PLXDC2: variants seen among roughly 807,000 people sequenced by gnomAD.
PLXDC2 encodes plexin domain containing 2, also known as plexin domain-containing protein 2.
PLXDC2 carries 40 observed loss-of-function variants against 68.9 expected under a neutral mutation model. The observed-to-expected ratio is 0.58, with a 90% CI of 0.45 to 0.76. PLXDC2 has a LOEUF of 0.76. PLXDC2 is among the 30% of genes least tolerant of loss of function. The pLI, the probability that PLXDC2 is intolerant of heterozygous loss-of-function variation, is 0.00. For missense variants in PLXDC2, 644 were observed against 661.9 expected, an observed-to-expected ratio of 0.97 and a Z score of 0.30; for synonymous variants, 243 against 234.2, an observed-to-expected ratio of 1.04 and a Z score of -0.34.
chr10:20,174,814 A>C (rs1834504490), intron 7 of PLXDC2, among the ~76,000 whole-genome samples: 2 of 151,872 alleles, frequency 1.3e-5, no homozygotes, highest in Admixed American at 1.3e-4. Context: ...ATATGAGTAG[A>C]GGGAAGGAGA....
intron 1 of PLXDC2, among the ~76,000 whole-genome samples, chr10:19,968,874 C>T (rs576567622): frequency 1.3e-5 from 2 of 152,262 alleles, no homozygotes; most frequent in South Asian, 2.1e-4. Flanking sequence ...TAAGTTTCAT[C>T]AGGGTAAGGC....
intron 1 of PLXDC2, among the ~76,000 whole-genome samples, chr10:19,860,879 C>A: frequency 6.6e-6 from 1 of 152,128 alleles, no homozygotes; most frequent in East Asian, 1.9e-4. Context: ...TTCTTTACTC[C>A]TACTCTGTGC....
chr10:19,919,842 A>G (rs1833429895), intron 1 of PLXDC2, among the ~76,000 whole-genome samples: 1 of 152,254 alleles, frequency 6.6e-6, no homozygotes, highest in South Asian at 2.1e-4. Context: ...TTTAGTCTGC[A>G]GAAGAAAATG....
chr10:20,007,693 A>G (rs1039840343), intron 2 of PLXDC2, among the ~76,000 whole-genome samples: 5 of 152,230 alleles, frequency 3.3e-5, no homozygotes, highest in African/African-American at 1.2e-4. Context: ...TAAAATGCAT[A>G]TTCTGATTTC....
chr10:20,159,655 A>T (rs569658146), intron 6 of PLXDC2, among the ~76,000 whole-genome samples: 2 of 152,254 alleles, frequency 1.3e-5, no homozygotes, highest in Non-Finnish European at 2.9e-5. Context: ...TGTCACTGTC[A>T]TGGCTTGCAA....
At chr10:20,230,601 G>A (rs1835347987) in intron 12 of PLXDC2, among the ~76,000 whole-genome samples, 2 of 147,908 alleles carry the variant, frequency 1.4e-5, no homozygotes, top group South Asian at 4.3e-4. Context: ...GAGCCCAGGA[G>A]GTCCAGGCTG....
In PLXDC2 at chr10:19,877,131, AAAGCT is replaced by A. The variant is rs572561427; in HGVS notation, c.112+59942_112+59946del. On this transcript the variant is annotated intron_variant, in intron 1 of 13. Coordinates refer to ENST00000377252, the MANE Select transcript of PLXDC2 (RefSeq NM_032812.9). ...AAATAACACTAGTGATATTCTGATAAAAGCTATTTATTTTTTAGATCAGTAAAATA... is the reference window on the plus strand; with the variant it reads ...AAATAACACTAGTGATATTCTGATAAATTTATTTTTTAGATCAGTAAAATA... 5.3e-5 allele frequency among the ~76,000 whole-genome samples: 8 copies of A among 152,268 alleles called. No individual in the cohort carries two copies. In the South Asian group the frequency reaches 1.7e-3, roughly 32 times the overall value.
chr10:19,922,316 G>A (rs889864579), intron 1 of PLXDC2, among the ~76,000 whole-genome samples: 4 of 152,212 alleles, frequency 2.6e-5, no homozygotes, highest in East Asian at 3.9e-4. Flanking sequence ...AAAGCTTATC[G>A]TAACTTGTAC....
At chr10:20,274,772 A>T (rs1038810642) in intron 13 of PLXDC2, among the ~76,000 whole-genome samples, 3 of 151,646 alleles carry the variant, frequency 2.0e-5, no homozygotes, top group African/African-American at 7.3e-5. Flanking sequence ...TTTTAATTAG[A>T]TTGCTGGTTT....
At chr10:20,052,722 C>CAAAAAAA (rs59776582) in intron 3 of PLXDC2, among the ~76,000 whole-genome samples, 5 of 92,788 alleles carry the variant, frequency 5.4e-5, no homozygotes, top group African/African-American at 1.9e-4. Context: ...ACAAATTATG[C>CAAAAAAA]AAAAAAAAAA....
chr10:20,126,332 CGTTATATAATACATATATACATATGT>C (rs1320274276), intron 4 of PLXDC2, among the ~76,000 whole-genome samples: 1,246 of 79,790 alleles, frequency 0.016, 174 homozygotes, highest in African/African-American at 0.04. Flanking sequence ...TATACATATA[CGTTATATAATACATATATACATATGT>C]GTTATATAAT....
chr10:20,186,177 A>G (rs1334043542), intron 9 of PLXDC2, among the ~76,000 whole-genome samples: 4 of 151,994 alleles, frequency 2.6e-5, no homozygotes, highest in African/African-American at 7.2e-5. Context: ...ATCAGATTCA[A>G]CAAAATTATT....
chr10:19,868,697 C>A (rs1564614255), intron 1 of PLXDC2, among the ~76,000 whole-genome samples: 1 of 152,106 alleles, frequency 6.6e-6, no homozygotes, highest in African/African-American at 2.4e-5. Flanking sequence ...AAAATTTACC[C>A]TCTGTTTAAT....
At chr10:20,177,493 T>G in intron 9 of PLXDC2, 84 bp downstream of exon 9, 1 of 627,774 alleles carries the variant, frequency 1.6e-6, no homozygotes, top group Non-Finnish European at 2.2e-6. Flanking sequence ...TATGGACAGG[T>G]GCAGTGGCTC....
intron 4 of PLXDC2, among the ~76,000 whole-genome samples, chr10:20,127,939 A>G (rs1216417133): frequency 6.6e-6 from 1 of 152,200 alleles, no homozygotes. Context: ...AGCAGAACAG[A>G]ACCAGGATGG....
chr10:20,148,327 T>C (rs1463903349), intron 6 of PLXDC2, among the ~76,000 whole-genome samples: 1 of 152,060 alleles, frequency 6.6e-6, no homozygotes, highest in Non-Finnish European at 1.5e-5. Context: ...CAAAAGCATT[T>C]ATAGACACGA....
intron 4 of PLXDC2, among the ~76,000 whole-genome samples, chr10:20,075,163 A>G (rs1465953768): frequency 6.6e-6 from 1 of 152,026 alleles, no homozygotes; most frequent in Non-Finnish European, 1.5e-5. Context: ...TCAGCAGTAG[A>G]TTCAGTAGCT....
chr10:20,086,989 G>A (rs1315304337), intron 4 of PLXDC2, among the ~76,000 whole-genome samples: 1 of 152,118 alleles, frequency 6.6e-6, no homozygotes, highest in Non-Finnish European at 1.5e-5. Flanking sequence ...AAATTTTAAA[G>A]GATAAAGAAT....
intron 1 of PLXDC2, among the ~76,000 whole-genome samples, chr10:19,836,291 T>C (rs1836791084): frequency 1.3e-5 from 2 of 152,132 alleles, no homozygotes; most frequent in Non-Finnish European, 1.5e-5. Context: ...TTGAGCTCAT[T>C]TATAGGCATG....
Sources: allele counts gnomAD v4.1 joint callset (sites outside exome capture counted in the v4.1 genomes callset), GRCh38; gene constraint gnomAD v4.1.1; transcripts MANE v1.5; gene names NCBI Gene and HGNC (gene_info 2026-07-23, HGNC 2026-07-21).